STK33: variants seen among roughly 807,000 people sequenced by gnomAD.
The protein encoded by STK33 is serine/threonine-protein kinase 33.
STK33 carries 52 observed loss-of-function variants against 58.0 expected under a neutral mutation model. The ratio of observed to expected loss-of-function variants is 0.90; its 90% CI spans 0.72 to 1.13. STK33 has a LOEUF of 1.13. Ranked by LOEUF, STK33 falls within the 50% of genes most tolerant of loss-of-function variation. The probability of loss-of-function intolerance (pLI) is 0.00; values close to 1 mark genes in which losing one functional copy is unlikely to be tolerated. For synonymous variants in STK33, 215 were observed against 200.1 expected, an observed-to-expected ratio of 1.07 and a Z score of -0.63; for missense variants, 630 against 604.2, an observed-to-expected ratio of 1.04 and a Z score of -0.45.
chr11:8,410,575 C>T (rs1006211937), intron 15 of STK33, among the ~76,000 whole-genome samples: 9 of 148,190 alleles, frequency 6.1e-5, no homozygotes, highest in African/African-American at 1.2e-4. Context: ...TGGGTTCAAG[C>T]GATTCTCCTG....
chr11:8,365,774 G>GC, the STK33 span, among the ~76,000 whole-genome samples: 1 of 152,070 alleles, frequency 6.6e-6, no homozygotes, highest in Non-Finnish European at 1.5e-5. Context: ...CCTCTAGGGG[G>GC]CCCCCGAGAA....
chr11:8,539,380 G>C (rs1308726724), intron 1 of STK33, among the ~76,000 whole-genome samples: 2 of 152,154 alleles, frequency 1.3e-5, no homozygotes, highest in Non-Finnish European at 2.9e-5. Context: ...GCCCTGGTCT[G>C]ATGAGGCCAT....
At chr11:8,348,041 C>T in the STK33 span, among the ~76,000 whole-genome samples, 1 of 152,230 alleles carries the variant, frequency 6.6e-6, no homozygotes, top group Non-Finnish European at 1.5e-5. Flanking sequence ...CAATGCCTCC[C>T]ACTGGGAAGG....
At chr11:8,407,614 T>C (rs143289383) in intron 15 of STK33, among the ~76,000 whole-genome samples, 2 of 152,160 alleles carry the variant, frequency 1.3e-5, no homozygotes, top group East Asian at 3.9e-4. Context: ...TGTACTGGCA[T>C]TAAGTCATTA....
rs755684543 is a variant in STK33 at position 8,473,147 on chromosome 11, T to G, written c.339+16A>C. 2 of 1,541,384 alleles carry G rather than the reference T, an allele frequency of 1.3e-6. No individual in the cohort carries two copies. Among genetic ancestry groups the G allele is most frequent in the Non-Finnish European group, 1.8e-6 (2 of 1,128,944 alleles). On this transcript the variant is annotated intron_variant, in intron 6 of 15. Coordinates refer to ENST00000687296, the MANE Select transcript of STK33 (RefSeq NM_001352389.2). ...AACCTGAAAGTTCACAGTAGCTTCA[T>G]TTGCTTTCTATATACCTCAATAGCA... is the stretch of plus-strand genomic sequence containing the variant.
intron 1 of STK33, among the ~76,000 whole-genome samples, chr11:8,522,651 A>G (rs1953579371): frequency 6.6e-6 from 1 of 152,210 alleles, no homozygotes; most frequent in African/African-American, 2.4e-5. Context: ...ATAAAAGCAA[A>G]AATAGAAAAG....
the STK33 span, among the ~76,000 whole-genome samples, chr11:8,384,834 C>T: frequency 6.6e-6 from 1 of 152,180 alleles, no homozygotes. Flanking sequence ...CATTTGGGGC[C>T]ACTACCGGAC....
chr11:8,523,336 T>C (rs1164286244), intron 1 of STK33, among the ~76,000 whole-genome samples: 1 of 149,488 alleles, frequency 6.7e-6, no homozygotes, highest in Non-Finnish European at 1.5e-5. Flanking sequence ...CCATCCCATC[T>C]AGGAAGTGAG....
At chr11:8,528,563 G>A (rs1478023878) in intron 1 of STK33, among the ~76,000 whole-genome samples, 1 of 152,136 alleles carries the variant, frequency 6.6e-6, no homozygotes, top group African/African-American at 2.4e-5. Flanking sequence ...CTTCCCTTAG[G>A]TCAATGATAT....
chr11:8,570,187 T>A (rs1957711729), intron 1 of STK33, among the ~76,000 whole-genome samples: 1 of 152,132 alleles, frequency 6.6e-6, no homozygotes, highest in Admixed American at 6.5e-5. Flanking sequence ...AATCATTAGA[T>A]AAATGTAAGT....
At chr11:8,394,915 T>C (rs1031531517) in intron 15 of STK33, among the ~76,000 whole-genome samples, 1 of 152,196 alleles carries the variant, frequency 6.6e-6, no homozygotes, top group Non-Finnish European at 1.5e-5. Flanking sequence ...ATCCCCATGA[T>C]TAAATATTCA....
intron 15 of STK33, among the ~76,000 whole-genome samples, chr11:8,409,821 G>A (rs1418781720): frequency 1.3e-5 from 2 of 152,108 alleles, no homozygotes; most frequent in African/African-American, 4.8e-5. Context: ...CACGTGACAA[G>A]AGTGTTACGT....
chr11:8,454,491 G>C (rs79069609), intron 10 of STK33, among the ~76,000 whole-genome samples: 2,273 of 152,248 alleles, frequency 0.015, 51 homozygotes, highest in African/African-American at 0.051. Context: ...GCATCTGTTT[G>C]CTTGCTATTA....
intron 1 of STK33, among the ~76,000 whole-genome samples, chr11:8,575,791 T>C (rs1189325508): frequency 6.6e-6 from 1 of 152,118 alleles, no homozygotes; most frequent in African/African-American, 2.4e-5. Context: ...GTAGGGTTCA[T>C]CCTAAAAATG....
the STK33 span, among the ~76,000 whole-genome samples, chr11:8,338,458 G>A: frequency 3.7e-4 from 56 of 152,224 alleles, no homozygotes; most frequent in South Asian, 0.01. Flanking sequence ...CCCTTGTGAG[G>A]GTGTTTCACC....
intron 1 of STK33, among the ~76,000 whole-genome samples, chr11:8,499,117 A>G (rs1466089488): frequency 6.6e-6 from 1 of 152,244 alleles, no homozygotes. Flanking sequence ...CTGCACAGCA[A>G]AAGAAACTAT....
At chr11:8,489,338 C>T (rs1044728406) in intron 1 of STK33, among the ~76,000 whole-genome samples, 2 of 147,168 alleles carry the variant, frequency 1.4e-5, no homozygotes, top group Non-Finnish European at 1.5e-5. Context: ...TATTATATTA[C>T]ACCAAATATA....
At chr11:8,493,904 A>C (rs997221645) in intron 1 of STK33, among the ~76,000 whole-genome samples, 1 of 152,212 alleles carries the variant, frequency 6.6e-6, no homozygotes, top group Admixed American at 6.5e-5. Context: ...ACAGCCCTTC[A>C]TGCTAAAGAC....
At chr11:8,389,074 G>A (rs10840031), downstream of STK33, among the ~76,000 whole-genome samples, 63,199 of 152,124 alleles carry the variant, frequency 0.42, 14,081 homozygotes, top group East Asian at 0.6. Flanking sequence ...CCAAAGACAG[G>A]TGGTAAACTT....
Sources: allele counts gnomAD v4.1 joint callset (sites outside exome capture counted in the v4.1 genomes callset), GRCh38; gene constraint gnomAD v4.1.1; transcripts MANE v1.5; gene names NCBI Gene and HGNC (gene_info 2026-07-23, HGNC 2026-07-21).